The following MAGI1 variants were observed in gnomAD, a reference collection of about 807,000 sequenced individuals.
MAGI1 encodes membrane-associated guanylate kinase, WW and PDZ domain-containing protein 1.
A neutral mutation model predicts 139.9 loss-of-function variants in MAGI1; 58 were observed. The observed-to-expected ratio is 0.41, with a 90% CI of 0.34 to 0.52. The LOEUF (loss-of-function observed/expected upper bound fraction) is 0.52, where lower values mean the gene tolerates loss of function less well. Ranked by LOEUF, MAGI1 falls within the 20% of genes least tolerant of loss-of-function variation. The pLI is 0.12. For missense variants in MAGI1, 1,874 were observed against 1,901.6 expected (o/e 0.99, Z 0.27); for synonymous variants, 812 against 737.9 (o/e 1.10, Z -1.63).
intron 1 of MAGI1, among the ~76,000 whole-genome samples, chr3:65,883,041 A>C (rs1361589001): frequency 6.6e-6 from 1 of 152,134 alleles, no homozygotes; most frequent in Non-Finnish European, 1.5e-5. Context: ...GCTGCCCCTA[A>C]CCAGTGGCCT....
intron 1 of MAGI1, among the ~76,000 whole-genome samples, chr3:65,906,629 G>A (rs773033570): frequency 3.9e-5 from 6 of 152,024 alleles, no homozygotes; most frequent in Non-Finnish European, 8.8e-5. Flanking sequence ...CTCATGCCTG[G>A]AATCCCAGCA....
chr3:65,533,246 C>T (rs1576222054), intron 2 of MAGI1, among the ~76,000 whole-genome samples: 1 of 152,226 alleles, frequency 6.6e-6, no homozygotes. Context: ...TTACGGAGCA[C>T]TTATTGGGTG....
At chr3:65,950,106 A>AAAAAAAAC (rs796698272) in intron 1 of MAGI1, among the ~76,000 whole-genome samples, 58 of 84,142 alleles carry the variant, frequency 6.9e-4, no homozygotes, top group East Asian at 1.2e-3. Context: ...AAAAAAAAAA[A>AAAAAAAAC]CAGAACTAGC....
chr3:65,979,088 T>TTCCCCCCCCCCCCCCCCCCC (rs377493475), intron 1 of MAGI1, among the ~76,000 whole-genome samples: 1 of 52,970 alleles, frequency 1.9e-5, no homozygotes, highest in African/African-American at 7.0e-5. Context: ...TTTCTTTTCT[T>TTCCCCCCCCCCCCCCCCCCC]CCCCCCCCCC....
intron 1 of MAGI1, among the ~76,000 whole-genome samples, chr3:66,010,780 C>T (rs1233475598): frequency 6.6e-6 from 1 of 152,154 alleles, no homozygotes; most frequent in Non-Finnish European, 1.5e-5. Context: ...AAATTTTCTG[C>T]ACACCACTCA....
At chr3:66,035,071 A>T (rs1409875473) in intron 1 of MAGI1, among the ~76,000 whole-genome samples, 1 of 152,222 alleles carries the variant, frequency 6.6e-6, no homozygotes, top group Non-Finnish European at 1.5e-5. Flanking sequence ...AATACACATA[A>T]TTATATATAA....
intron 2 of MAGI1, among the ~76,000 whole-genome samples, chr3:65,529,051 C>A (rs55819894): frequency 0.17 from 25,244 of 151,708 alleles, 2,291 homozygotes; most frequent in Middle Eastern, 0.24. Flanking sequence ...GTTTCAAAAC[C>A]AACCAACCAA....
At chr3:65,785,026 A>G (rs79556054) in intron 1 of MAGI1, among the ~76,000 whole-genome samples, 14 of 46,876 alleles carry the variant, frequency 3.0e-4, no homozygotes, top group Non-Finnish European at 4.3e-4. Flanking sequence ...AATGTTCTAA[A>G]ATTAGATTAT....
At chr3:65,491,435 C>G (rs1259159620) in intron 3 of MAGI1, among the ~76,000 whole-genome samples, 1 of 152,158 alleles carries the variant, frequency 6.6e-6, no homozygotes, top group Non-Finnish European at 1.5e-5. Context: ...GTCTAAATCA[C>G]AAGTTTTTCC....
chr3:65,677,279 A>G (rs1233045568), intron 1 of MAGI1, among the ~76,000 whole-genome samples: 2 of 151,814 alleles, frequency 1.3e-5, no homozygotes, highest in African/African-American at 2.4e-5. Flanking sequence ...ATATTTTGGG[A>G]GGGGATTTTT....
intron 12 of MAGI1, among the ~76,000 whole-genome samples, chr3:65,403,482 T>C (rs1209111970): frequency 2.0e-5 from 3 of 152,222 alleles, no homozygotes; most frequent in Non-Finnish European, 4.4e-5. Context: ...GAAATTTTAT[T>C]AGGTTGTATA....
intron 1 of MAGI1, among the ~76,000 whole-genome samples, chr3:66,015,169 C>T (rs924828771): frequency 2.7e-4 from 34 of 127,280 alleles, no homozygotes; most frequent in African/African-American, 1.0e-3. Flanking sequence ...ACAGTGAGAC[C>T]CTGTCTCTAC....
chr3:65,721,018 AGGTGTGAAATCCCACCT>A (rs889685858), intron 1 of MAGI1, among the ~76,000 whole-genome samples: 9 of 152,088 alleles, frequency 5.9e-5, no homozygotes, highest in Non-Finnish European at 1.3e-4. Context: ...TTGGGATTTC[AGGTGTGAAATCCCACCT>A]GAAATCCCTG....
intron 8 of MAGI1, among the ~76,000 whole-genome samples, chr3:65,441,713 T>C (rs1034985530): frequency 4.6e-5 from 7 of 152,170 alleles, no homozygotes; most frequent in African/African-American, 1.7e-4. Context: ...TTTCTGAGGG[T>C]CAGAGGGGCA....
In MAGI1 at chr3:65,441,339, T is replaced by C. The variant is rs531986120; in HGVS notation, c.1137-1327A>G. ...TGTGATTATTTAGAACTCTAAGTTT[T>C]TTAAAAAGCTAGGCTTTATTTTTTT... On this transcript the variant is annotated intron_variant, in intron 8 of 22. Transcript: ENST00000402939. 3.9e-5 allele frequency among the ~76,000 whole-genome samples: 6 copies of C among 152,316 alleles called. No individual in the cohort carries two copies. In the East Asian group the frequency reaches 9.6e-4, roughly 24 times the overall value.
At chr3:65,390,558 A>T (rs1200994484) in intron 14 of MAGI1, among the ~76,000 whole-genome samples, 1 of 152,220 alleles carries the variant, frequency 6.6e-6, no homozygotes, top group Non-Finnish European at 1.5e-5. Flanking sequence ...ACAAGCCAAG[A>T]AGTTACAAAG....
At chr3:65,962,103 T>G (rs947646462) in intron 1 of MAGI1, among the ~76,000 whole-genome samples, 1 of 150,850 alleles carries the variant, frequency 6.6e-6, no homozygotes, top group Admixed American at 6.6e-5. Flanking sequence ...TTTGTTCTCA[T>G]GGACATTAAT....
chr3:65,483,650 C>T (rs1951432547), intron 3 of MAGI1, among the ~76,000 whole-genome samples: 3 of 152,226 alleles, frequency 2.0e-5, no homozygotes, highest in Non-Finnish European at 2.9e-5. Flanking sequence ...ATCCAACACA[C>T]GTTTCCTGCA....
intron 1 of MAGI1, among the ~76,000 whole-genome samples, chr3:65,961,766 C>T (rs1187627996): frequency 1.3e-5 from 2 of 152,176 alleles, no homozygotes; most frequent in Admixed American, 1.3e-4. Context: ...TTACACGTTT[C>T]AAGAAACAAA....
Sources: allele counts gnomAD v4.1 joint callset (sites outside exome capture counted in the v4.1 genomes callset), GRCh38; gene constraint gnomAD v4.1.1; transcripts MANE v1.5; gene names NCBI Gene and HGNC (gene_info 2026-07-23, HGNC 2026-07-21).